The following MAGI2 variants were observed in gnomAD, a reference collection of about 807,000 sequenced individuals.
The protein encoded by MAGI2 is membrane associated guanylate kinase, WW and PDZ domain containing 2, also known as membrane-associated guanylate kinase, WW and PDZ domain-containing protein 2.
Under a neutral mutation model 133.3 loss-of-function variants are expected in MAGI2, and 35 were observed. The ratio of observed to expected loss-of-function variants is 0.26; its 90% CI spans 0.20 to 0.35. The LOEUF is 0.35. MAGI2 is among the 10% of genes least tolerant of loss of function. The pLI is 1.00. For synonymous variants in MAGI2, 729 were observed against 710.6 expected (o/e 1.03, Z -0.41); for missense variants, 1,636 against 1,863.4 (o/e 0.88, Z 2.25).
At chr7:79,391,514 T>TATATATATATATATATATATAGAC (rs1563180522) in intron 1 of MAGI2, among the ~76,000 whole-genome samples, 12 of 46,318 alleles carry the variant, frequency 2.6e-4, no homozygotes, top group East Asian at 8.8e-4. Context: ...TAGACATATA[T>TATATATATATATATATATATAGAC]ATATATATAT....
Position 79,228,354 on chromosome 7 carries a change from C to CAAAAAAAAAAA in MAGI2, c.302-221159_302-221149dup, listed in dbSNP as rs746424350. On this transcript the variant is annotated intron_variant, in intron 1 of 21. Coordinates refer to ENST00000354212, the MANE Select transcript of MAGI2 (RefSeq NM_012301.4). ...CAAGACCCTGTCTCAAAAAAACAGGCAAAAAAAAAAAAAAAAGATCGTGGG... is the reference window on the plus strand; with the variant it reads ...CAAGACCCTGTCTCAAAAAAACAGGCAAAAAAAAAAAAAAAAAAAAAAAAAAAGATCGTGGG... Among the ~76,000 whole-genome samples, 98 of 31,424 alleles carry CAAAAAAAAAAA rather than the reference C, an allele frequency of 3.1e-3. 7 individuals carry two copies. The highest frequency in any genetic ancestry group is 5.5e-3 in the East Asian group (6 of 1,096). The allele number at this position is 31,424 out of a possible 152,430, so 20.6% of individuals were successfully genotyped here.
intron 3 of MAGI2, among the ~76,000 whole-genome samples, chr7:78,604,017 T>A (rs561590636): frequency 6.6e-6 from 1 of 150,402 alleles, no homozygotes; most frequent in South Asian, 2.1e-4. Context: ...TAATGAAACA[T>A]AAAATCAAAC....
intron 1 of MAGI2, among the ~76,000 whole-genome samples, chr7:79,294,304 G>C (rs923160786): frequency 2.6e-5 from 4 of 151,948 alleles, no homozygotes; most frequent in African/African-American, 9.7e-5. Flanking sequence ...AAAAGATTAG[G>C]CTTGCGGACA....
intron 20 of MAGI2, among the ~76,000 whole-genome samples, chr7:78,095,148 G>A (rs1203898597): frequency 6.6e-6 from 1 of 152,188 alleles, no homozygotes; most frequent in Non-Finnish European, 1.5e-5. Context: ...AGGGTAAGAA[G>A]ACATCAAGGA....
chr7:78,597,631 G>C (rs370171685), intron 3 of MAGI2, among the ~76,000 whole-genome samples: 2 of 152,110 alleles, frequency 1.3e-5, no homozygotes, highest in Non-Finnish European at 2.9e-5. Flanking sequence ...GTAGACTCTC[G>C]AGATACATAA....
rs762592377 is a variant in MAGI2 at position 79,453,296 on chromosome 7, T to C, written c.25A>G (p.Ser9Gly). 1.9e-6 allele frequency: 3 copies of C among 1,611,650 alleles called. No individual in the cohort carries two copies. The Admixed American group carries it at 5.0e-5, about 27-fold the overall frequency. The change falls in exon 1 of 22, where the codon AGC becomes GGC. Residue 9 changes from serine (S) to glycine (G), a missense_variant. Ser to Gly is a moderately conservative substitution (Grantham distance 56, BLOSUM62 0). Around this residue, in one of 5 missense-constraint regions of MAGI2, gnomAD observed 148 missense variants for 239.0 expected, o/e 0.62. Transcript: ENST00000354212. The stretch of plus-strand genomic sequence containing the variant: ...TCATGGACTTTGCTAGTCCAGTGGC[T>C]TTTCTTTTTCAAGCTTTTGGACATG... MSKSLKKKSHWTSKVHESV... is the reference protein window; with the variant it reads MSKSLKKKGHWTSKVHESV...
At chr7:78,573,257 AATATAAATAT>A (rs1217034634) in intron 3 of MAGI2, among the ~76,000 whole-genome samples, 2 of 21,970 alleles carry the variant, frequency 9.1e-5, no homozygotes, top group African/African-American at 1.7e-4. Context: ...AATATATATA[AATATAAATAT>A]ATATAAATAT....
intron 18 of MAGI2, among the ~76,000 whole-genome samples, chr7:78,131,744 C>G (rs1258061429): frequency 1.3e-5 from 2 of 152,130 alleles, no homozygotes; most frequent in African/African-American, 4.8e-5. Context: ...TTATGACAGT[C>G]TTTTTCTGGA....
intron 2 of MAGI2, among the ~76,000 whole-genome samples, chr7:78,909,646 T>A (rs1798261923): frequency 6.8e-6 from 1 of 146,512 alleles, no homozygotes; most frequent in Non-Finnish European, 1.5e-5. Context: ...CAACAGATAC[T>A]GGTGAGGCTG....
intron 2 of MAGI2, among the ~76,000 whole-genome samples, chr7:78,682,228 A>C (rs1325668887): frequency 6.6e-6 from 1 of 152,136 alleles, no homozygotes; most frequent in Admixed American, 6.5e-5. Flanking sequence ...AAATGCTTAA[A>C]CTTCCCCTTG....
intron 2 of MAGI2, among the ~76,000 whole-genome samples, chr7:78,858,350 T>G (rs1459637126): frequency 1.3e-5 from 2 of 152,226 alleles, no homozygotes; most frequent in Non-Finnish European, 2.9e-5. Flanking sequence ...TATTAGCGTG[T>G]CAATTTTAGA....
chr7:78,883,612 T>C (rs753203284), intron 2 of MAGI2, among the ~76,000 whole-genome samples: 1 of 152,174 alleles, frequency 6.6e-6, no homozygotes, highest in Non-Finnish European at 1.5e-5. Context: ...ATTATCCAAC[T>C]TCAAACTATA....
chr7:78,076,878 A>G (rs1420793100), intron 21 of MAGI2, among the ~76,000 whole-genome samples: 2 of 151,310 alleles, frequency 1.3e-5, no homozygotes, highest in Non-Finnish European at 2.9e-5. Context: ...AAAAAAAAAA[A>G]AAGAATTAAT....
At chr7:79,216,696 C>T (rs912584751) in intron 1 of MAGI2, among the ~76,000 whole-genome samples, 2 of 152,076 alleles carry the variant, frequency 1.3e-5, no homozygotes, top group Non-Finnish European at 2.9e-5. Context: ...CAAGGGGCGT[C>T]AGGGAACTCT....
At chr7:78,834,648 A>G (rs1301839387) in intron 2 of MAGI2, among the ~76,000 whole-genome samples, 1 of 152,190 alleles carries the variant, frequency 6.6e-6, no homozygotes, top group East Asian at 1.9e-4. Context: ...GAACACATGC[A>G]TAAAAGCTTT....
intron 1 of MAGI2, among the ~76,000 whole-genome samples, chr7:79,107,171 G>T (rs900561435): frequency 2.6e-5 from 4 of 152,194 alleles, no homozygotes; most frequent in African/African-American, 9.7e-5. Context: ...AATAAGTGGA[G>T]AGCTTTCTCC....
chr7:78,815,642 T>A (rs1025001554), intron 2 of MAGI2, among the ~76,000 whole-genome samples: 2 of 152,230 alleles, frequency 1.3e-5, no homozygotes, highest in African/African-American at 4.8e-5. Flanking sequence ...ATTTCAAACT[T>A]TTTCATTATG....
At chr7:78,907,248 T>C (rs1242471455) in intron 2 of MAGI2, among the ~76,000 whole-genome samples, 1 of 152,160 alleles carries the variant, frequency 6.6e-6, no homozygotes, top group African/African-American at 2.4e-5. Context: ...GGGGTCCCTT[T>C]GTTATCTTTG....
At chr7:79,372,491 G>C (rs1230926045) in intron 1 of MAGI2, among the ~76,000 whole-genome samples, 2 of 152,034 alleles carry the variant, frequency 1.3e-5, no homozygotes, top group Non-Finnish European at 2.9e-5. Context: ...TAGAATGTAA[G>C]CTTCATGATA....
Sources: allele counts gnomAD v4.1 joint callset (sites outside exome capture counted in the v4.1 genomes callset), GRCh38; gene constraint gnomAD v4.1.1; regional missense constraint gnomAD v4.1.1; transcripts MANE v1.5; gene names NCBI Gene and HGNC (gene_info 2026-07-23, HGNC 2026-07-21).